MIPOL1: variants seen among roughly 807,000 people sequenced by gnomAD.
MIPOL1 encodes mirror-image polydactyly 1.
MIPOL1 carries 57 observed loss-of-function variants against 60.9 expected under a neutral mutation model. The observed-to-expected ratio is 0.94, with a 90% CI of 0.76 to 1.17. The LOEUF is 1.17. MIPOL1 is among the 50% of genes most tolerant of loss of function. The pLI is 0.00. For missense variants in MIPOL1, 551 were observed against 511.6 expected, an observed-to-expected ratio of 1.08 and a Z score of -0.74; for synonymous variants, 179 against 168.8, an observed-to-expected ratio of 1.06 and a Z score of -0.47.
chr14:37,524,559 C>CTTTTTTTTTTTTTTTT lies in MIPOL1; in HGVS notation c.1263-22341_1263-22340insTTTTTTTTTTTTTTTT. Among the ~76,000 whole-genome samples, 17 of 18,500 alleles carry CTTTTTTTTTTTTTTTT rather than the reference C, an allele frequency of 9.2e-4. 7 individuals carry two copies. Among genetic ancestry groups the CTTTTTTTTTTTTTTTT allele is most frequent in the Non-Finnish European group, 5.4e-4 (6 of 11,110 alleles). 12.1% of individuals were successfully genotyped at this position (18,500 alleles called of 152,430 possible). On this transcript the variant is annotated intron_variant, in intron 12 of 12. Coordinates refer to ENST00000684589, the MANE Select transcript of MIPOL1 (RefSeq NM_001388067.1). ...TGTTCTTCTTGACATCTTAATTTTT[C>CTTTTTTTTTTTTTTTT]TTTTTCTTTTCTTTTTTTTTTTTTT...
intron 6 of MIPOL1, among the ~76,000 whole-genome samples, chr14:37,282,292 C>T (rs558573372): frequency 2.5e-4 from 37 of 148,826 alleles, no homozygotes; most frequent in African/African-American, 5.1e-4. Context: ...GTTTCGCTCT[C>T]GTGCAATGGC....
chr14:37,367,224 A>G (rs2092501541), intron 9 of MIPOL1, among the ~76,000 whole-genome samples: 1 of 152,096 alleles, frequency 6.6e-6, no homozygotes, highest in Non-Finnish European at 1.5e-5. Flanking sequence ...AATAAAAGTA[A>G]AAAGAAACAA....
intron 11 of MIPOL1, among the ~76,000 whole-genome samples, chr14:37,457,171 A>G (rs1382102156): frequency 6.6e-6 from 1 of 152,188 alleles, no homozygotes; most frequent in Non-Finnish European, 1.5e-5. Context: ...ATGAGAGATA[A>G]GAGCCTCTTA....
chr14:37,321,288 C>T (rs1187125495), intron 9 of MIPOL1, among the ~76,000 whole-genome samples: 3 of 151,754 alleles, frequency 2.0e-5, no homozygotes. Context: ...ATATATGTGT[C>T]TCATTATTAT....
chr14:37,203,261 C>T (rs1055437977), intron 1 of MIPOL1, among the ~76,000 whole-genome samples: 2 of 152,182 alleles, frequency 1.3e-5, no homozygotes, highest in African/African-American at 4.8e-5. Flanking sequence ...AAGTGTGGCT[C>T]ACTACCTGTT....
In MIPOL1 at chr14:37,449,859, C is replaced by T. The variant is rs111450198; in HGVS notation, c.1031+26910C>T. The stretch of plus-strand genomic sequence containing the variant: ...ACAGAGTGTCACTCTGTTGCCCAGG[C>T]TGGAGTGCAGTGGTACTGTCTCAGC... On this transcript the variant is annotated intron_variant, in intron 11 of 12. Coordinates refer to ENST00000684589, the MANE Select transcript of MIPOL1 (RefSeq NM_001388067.1). Among the ~76,000 whole-genome samples, 226 of 152,214 alleles carry T rather than the reference C, an allele frequency of 1.5e-3. 1 individual carries two copies. The highest frequency in any genetic ancestry group is 2.5e-3 in the Non-Finnish European group (169 of 68,004).
At chr14:37,284,429 C>T (rs571259885) in intron 6 of MIPOL1, among the ~76,000 whole-genome samples, 2 of 152,178 alleles carry the variant, frequency 1.3e-5, no homozygotes, top group South Asian at 4.1e-4. Flanking sequence ...TTGCAACCTC[C>T]GCCTCCTGAG....
At chr14:37,335,894 G>GT (rs1334308196) in intron 9 of MIPOL1, among the ~76,000 whole-genome samples, 1 of 151,950 alleles carries the variant, frequency 6.6e-6, no homozygotes, top group Non-Finnish European at 1.5e-5. Flanking sequence ...TTATGCACAA[G>GT]TTTTTTAATT....
chr14:37,406,515 C>T (rs2093590256), intron 10 of MIPOL1, among the ~76,000 whole-genome samples: 1 of 152,056 alleles, frequency 6.6e-6, no homozygotes, highest in African/African-American at 2.4e-5. Flanking sequence ...GAAATGTTTG[C>T]TTCTTGAGTT....
At chr14:37,216,968 A>C (rs542088604) in intron 1 of MIPOL1, among the ~76,000 whole-genome samples, 4 of 152,276 alleles carry the variant, frequency 2.6e-5, no homozygotes, top group East Asian at 1.9e-4. Flanking sequence ...AAAAATACAA[A>C]CAACCAATAA....
At chr14:37,253,730 A>G (rs1974472057) in intron 3 of MIPOL1, among the ~76,000 whole-genome samples, 1 of 151,740 alleles carries the variant, frequency 6.6e-6, no homozygotes, top group Admixed American at 6.6e-5. Flanking sequence ...CAATGTTCAG[A>G]ATATCACTGG....
rs557966681 is a variant in MIPOL1, at chr14:37,512,760, A to C, written c.1262+12622A>C. Among the ~76,000 whole-genome samples, 6 of 152,282 alleles carry C rather than the reference A, an allele frequency of 3.9e-5. No individual in the cohort carries two copies. In the East Asian group the frequency reaches 1.2e-3, roughly 29 times the overall value. On this transcript the variant is annotated intron_variant, in intron 12 of 12. Transcript: ENST00000684589. ...AACAATATAAGTACTTGTTGATTGA[A>C]TCAAAGAATAAGTTTCATAATTCCT...
At chr14:37,402,434 G>A (rs1358657663) in intron 10 of MIPOL1, among the ~76,000 whole-genome samples, 3 of 152,118 alleles carry the variant, frequency 2.0e-5, no homozygotes, top group Non-Finnish European at 4.4e-5. Context: ...TAGCTGTGAG[G>A]ATGTTTATGA....
rs1443050391 is a variant in MIPOL1, at chr14:37,495,237, G to A, written c.1032-4671G>A. Among the ~76,000 whole-genome samples the A allele has an allele frequency of 6.9e-5, 10 of 145,348 alleles. No homozygotes were observed. The East Asian group carries it at 1.7e-3, about 24-fold the overall frequency. ...GCTGGTGCGCTGCACCCACTAACTC[G>A]TCATCTAGCATTAGGTATATCTCCC... On this transcript the variant is annotated intron_variant, in intron 11 of 12. Coordinates refer to ENST00000684589, the MANE Select transcript of MIPOL1 (RefSeq NM_001388067.1).
rs959044485 is a variant in MIPOL1 at position 37,291,988 on chromosome 14, C to A, written c.623+6541C>A. Among the ~76,000 whole-genome samples the A allele has an allele frequency of 4.5e-5, 6 of 134,086 alleles. No individual in the cohort carries two copies. In the East Asian group the frequency reaches 1.4e-3, roughly 30 times the overall value. 88.0% of individuals were successfully genotyped at this position (134,086 alleles called of 152,430 possible). ...TCACCCAGGCTGGAGTGCAATGGTGCAATCTCGGCACACTGCAAGCTCCAC... is the reference window on the plus strand; with the variant it reads ...TCACCCAGGCTGGAGTGCAATGGTGAAATCTCGGCACACTGCAAGCTCCAC... On this transcript the variant is annotated intron_variant, in intron 7 of 12. Coordinates refer to ENST00000684589, the MANE Select transcript of MIPOL1 (RefSeq NM_001388067.1).
intron 10 of MIPOL1, among the ~76,000 whole-genome samples, chr14:37,409,734 C>T (rs1010540222): frequency 1.3e-5 from 2 of 152,086 alleles, no homozygotes; most frequent in Admixed American, 1.3e-4. Flanking sequence ...TGCAGTGAGC[C>T]GAGATCGCAT....
chr14:37,454,348 T>G (rs1490522605), intron 11 of MIPOL1, among the ~76,000 whole-genome samples: 1 of 152,206 alleles, frequency 6.6e-6, no homozygotes, highest in Non-Finnish European at 1.5e-5. Flanking sequence ...TTTCCCATAC[T>G]GCCTAGGCAG....
intron 9 of MIPOL1, among the ~76,000 whole-genome samples, chr14:37,348,607 G>A (rs2091111024): frequency 6.6e-6 from 1 of 151,598 alleles, no homozygotes; most frequent in Non-Finnish European, 1.5e-5. Flanking sequence ...GCCTCTTAAT[G>A]GTTATATATT....
At chr14:37,408,175 C>G (rs2093624501) in intron 10 of MIPOL1, among the ~76,000 whole-genome samples, 1 of 151,952 alleles carries the variant, frequency 6.6e-6, no homozygotes, top group Admixed American at 6.6e-5. Flanking sequence ...CTCAACTCTC[C>G]TAGTATTTCT....
Sources: gnomAD v4.1 joint callset for allele counts (sites outside exome capture counted in the v4.1 genomes callset) on GRCh38, gnomAD v4.1.1 for gene constraint, MANE v1.5 for transcripts, NCBI Gene and HGNC (gene_info 2026-07-23, HGNC 2026-07-21) for gene names.